Variants in GPHN observed in about 807,000 individuals in gnomAD.
GPHN encodes the protein gephyrin.
GPHN carries 17 observed loss-of-function variants against 95.5 expected under a neutral mutation model. The observed-to-expected ratio is 0.18, with a 90% CI of 0.12 to 0.27. The LOEUF is 0.27. Ranked by LOEUF, GPHN falls within the 10% of genes least tolerant of loss-of-function variation. The pLI is 1.00. For synonymous variants in GPHN, 320 were observed against 322.5 expected (o/e 0.99, Z 0.08); for missense variants, 660 against 978.1 (o/e 0.67, Z 4.34).
At chr14:67,280,187 A>C in the GPHN span, among the ~76,000 whole-genome samples, 1 of 152,354 alleles carries the variant, frequency 6.6e-6, no homozygotes, top group East Asian at 1.9e-4. Flanking sequence ...TTAGAATGTT[A>C]CTAGGCATTG....
At chr14:67,310,664 CTT>C in the GPHN span, among the ~76,000 whole-genome samples, 1 of 152,058 alleles carries the variant, frequency 6.6e-6, no homozygotes, top group Admixed American at 6.5e-5. Context: ...AGCTGTTTAA[CTT>C]TTATATCTTT....
At chr14:66,684,984 G>A (rs952492030) in intron 2 of GPHN, among the ~76,000 whole-genome samples, 2 of 152,138 alleles carry the variant, frequency 1.3e-5, no homozygotes, top group Admixed American at 6.5e-5. Context: ...CCACCTATGA[G>A]TGAGAACATG....
downstream of GPHN, among the ~76,000 whole-genome samples, chr14:67,186,714 AC>A (rs568109431): frequency 5.3e-5 from 8 of 152,244 alleles, no homozygotes; most frequent in Non-Finnish European, 1.0e-4. Flanking sequence ...CAGCAGGTCA[AC>A]TAGAGGGAAC....
chr14:67,115,451 G>C (rs1221679928), intron 16 of GPHN, among the ~76,000 whole-genome samples: 1 of 152,168 alleles, frequency 6.6e-6, no homozygotes, highest in Non-Finnish European at 1.5e-5. Flanking sequence ...TATGGTTTCA[G>C]GCCGGGCATG....
At chr14:67,478,909 G>C in the GPHN span, among the ~76,000 whole-genome samples, 3 of 152,102 alleles carry the variant, frequency 2.0e-5, no homozygotes, top group East Asian at 5.8e-4. Flanking sequence ...ATAGTGGTAA[G>C]AGAAAAAAGC....
chr14:67,209,016 A>T, the GPHN span, among the ~76,000 whole-genome samples: 1 of 152,214 alleles, frequency 6.6e-6, no homozygotes, highest in South Asian at 2.1e-4. Context: ...AGAGTAAGTT[A>T]TTTTAAAACT....
intron 8 of GPHN, among the ~76,000 whole-genome samples, chr14:66,956,455 G>A (rs1015867467): frequency 9.9e-5 from 15 of 152,064 alleles, no homozygotes; most frequent in Admixed American, 3.3e-4. Context: ...CTGAGGAATC[G>A]CCACACTGAC....
the GPHN span, among the ~76,000 whole-genome samples, chr14:67,639,571 G>C: frequency 6.6e-6 from 1 of 152,044 alleles, no homozygotes; most frequent in Non-Finnish European, 1.5e-5. Flanking sequence ...TTTAAGGAGA[G>C]TGCTGAGATA....
the GPHN span, chr14:67,695,766 T>G: frequency 6.7e-7 from 1 of 1,498,060 alleles, no homozygotes; most frequent in Non-Finnish European, 9.3e-7. Context: ...CTATGGCTTC[T>G]CTTTCTAGAC....
intron 1 of GPHN, among the ~76,000 whole-genome samples, chr14:66,606,325 T>C (rs1171984680): frequency 2.0e-5 from 3 of 152,134 alleles, no homozygotes; most frequent in Non-Finnish European, 4.4e-5. Flanking sequence ...TATTTCTGGG[T>C]TCTTTGTTCT....
chr14:67,068,502 C>T (rs976093953), intron 11 of GPHN, among the ~76,000 whole-genome samples: 1 of 152,146 alleles, frequency 6.6e-6, no homozygotes, highest in African/African-American at 2.4e-5. Context: ...ACACTTGGTA[C>T]AGTATCAACT....
chr14:66,846,369 G>A (rs1277423378), intron 4 of GPHN, among the ~76,000 whole-genome samples: 3 of 152,136 alleles, frequency 2.0e-5, no homozygotes, highest in Non-Finnish European at 4.4e-5. Context: ...TCTGTAGTCT[G>A]CTAGGAATAT....
In GPHN at chr14:67,163,452, G is replaced by C. The variant is rs151042010; in HGVS notation, c.1911-1710G>C. Among the ~76,000 whole-genome samples the C allele has an allele frequency of 4.5e-3, 681 of 151,832 alleles. 4 individuals carry two copies. The highest frequency in any genetic ancestry group is 0.014 in the African/African-American group (584 of 41,398). On this transcript the variant is annotated intron_variant, in intron 19 of 22. Coordinates refer to ENST00000478722, the MANE Select transcript of GPHN (RefSeq NM_020806.5). ...AAGATGATAGCAATCTCGCATTACA[G>C]GGTGCCACAGGAAAAAAAAAATTGG...
chr14:67,645,515 A>G, the GPHN span: 8 of 1,058,122 alleles, frequency 7.6e-6, no homozygotes, highest in East Asian at 1.8e-4. Context: ...GCCTCACCCA[A>G]ACCCAGTCTC....
the GPHN span, among the ~76,000 whole-genome samples, chr14:67,349,802 C>T: frequency 7.6e-3 from 1,164 of 152,318 alleles, 13 homozygotes; most frequent in African/African-American, 0.025. Flanking sequence ...CCACCCTCTG[C>T]TAGAAAATTC....
chr14:67,023,544 C>T (rs1257791093), intron 9 of GPHN, 89 bp from the exon 10 acceptor site: 2 of 935,876 alleles, frequency 2.1e-6, no homozygotes, highest in African/African-American at 1.6e-5. Context: ...GCCTTTGCTC[C>T]TAGACCTCAG....
At chr14:67,546,476 C>T in the GPHN span, among the ~76,000 whole-genome samples, 1 of 152,220 alleles carries the variant, frequency 6.6e-6, no homozygotes, top group East Asian at 1.9e-4. Flanking sequence ...TTGCAACCTC[C>T]CCATCCTGGG....
At chr14:67,461,953 T>G in the GPHN span, among the ~76,000 whole-genome samples, 1 of 152,256 alleles carries the variant, frequency 6.6e-6, no homozygotes, top group Non-Finnish European at 1.5e-5. Context: ...TGGCTTTGAT[T>G]GGGCAGGTCA....
At chr14:66,561,294 T>G (rs1017238089) in intron 1 of GPHN, among the ~76,000 whole-genome samples, 2 of 152,210 alleles carry the variant, frequency 1.3e-5, no homozygotes, top group African/African-American at 4.8e-5. Flanking sequence ...TTCTATTGAT[T>G]GGAATAGTTT....
Sources: allele counts gnomAD v4.1 joint callset (sites outside exome capture counted in the v4.1 genomes callset), GRCh38; gene constraint gnomAD v4.1.1; transcripts MANE v1.5; gene names NCBI Gene and HGNC (gene_info 2026-07-23, HGNC 2026-07-21).